Variants in FKTN observed in about 807,000 individuals in gnomAD.
The protein encoded by FKTN is fukutin.
Under a neutral mutation model 58.6 loss-of-function variants are expected in FKTN, and 47 were observed. The ratio of observed to expected loss-of-function variants is 0.80; its 90% confidence interval spans 0.63 to 1.02. The LOEUF (loss-of-function observed/expected upper bound fraction) is 1.02. Among genes scored for constraint, FKTN ranks in the 50% least tolerant of loss-of-function variants. FKTN has a pLI of 0.00. For synonymous variants in FKTN, 178 were observed against 191.9 expected (o/e 0.93, Z 0.60); for missense variants, 516 against 537.3 (o/e 0.96, Z 0.39).
chr9:105,623,236 T>A (rs1442726734), intron 10 of FKTN: 1 of 152,184 alleles, frequency 6.6e-6, no homozygotes, highest in African/African-American at 2.4e-5. Context: ...TAATAATAGT[T>A]AACTTTATTG....
intron 4 of FKTN, among the ~76,000 whole-genome samples, chr9:105,597,480 T>C (rs1036974950): frequency 5.3e-5 from 8 of 152,162 alleles, no homozygotes; most frequent in Admixed American, 1.3e-4. Flanking sequence ...TTATTAAAAA[T>C]AGCAATTGTT....
intron 3 of FKTN, among the ~76,000 whole-genome samples, chr9:105,578,483 C>T (rs1255531545): frequency 1.0e-4 from 13 of 129,910 alleles, no homozygotes; most frequent in Admixed American, 1.6e-4. Context: ...TATTGATTTG[C>T]GTATATTGAA....
chr9:105,636,955 A>T lies in FKTN; in HGVS notation c.*1691A>T. 9.7e-7 allele frequency: 1 copy of T among 1,035,914 alleles called. No individual in the cohort carries two copies. The highest frequency in any genetic ancestry group is 1.2e-6 in the Non-Finnish European group (1 of 853,920). The allele number at this position is 1,035,914 out of a possible 1,614,324, so 64.2% of individuals were successfully genotyped here. A position where few individuals can be genotyped will look rare whatever the true frequency, so the allele number is the denominator to read the frequency against. On this transcript the variant is annotated 3_prime_UTR_variant, in exon 11 of 11. Transcript: ENST00000357998. ...AATGCAGAATTATTGGGTCTTTCAT[A>T]AATAACATGAGTGGTTTCTGGAGAC... is the stretch of plus-strand genomic sequence containing the variant.
Position 105,636,910 on chromosome 9 carries a change from C to T in FKTN, c.*1646C>T, listed in dbSNP as rs1322534919. ...TTGATAAATGATAACCAACAGTCTT[C>T]TGTCCTAATTTGCATTCTCAATGCA... On this transcript the variant is annotated 3_prime_UTR_variant, in exon 11 of 11. Transcript: ENST00000357998. 1.3e-5 allele frequency: 14 copies of T among 1,082,282 alleles called. No individual in the cohort carries two copies. In the East Asian group the frequency reaches 8.3e-4, roughly 64 times the overall value. The allele number at this position is 1,082,282 out of a possible 1,614,324, so 67.0% of individuals were successfully genotyped here. A position where few individuals can be genotyped will look rare whatever the true frequency, so the allele number is the denominator to read the frequency against.
intron 3 of FKTN, among the ~76,000 whole-genome samples, chr9:105,579,031 T>G (rs1318961212): frequency 1.3e-5 from 2 of 151,870 alleles, no homozygotes; most frequent in Non-Finnish European, 2.9e-5. Context: ...TCGTTTTTTA[T>G]TGCGTCTATT....
Position 105,637,128 on chromosome 9 carries a change from AATAATAATACTAT to A in FKTN, c.*1865_*1877del, listed in dbSNP as rs1834098706. ...TTTCATGCTTAAAAATAATAGAACAAATAATAATACTATTTTTGGGCAAAATCCACCCTACTTG... is the reference window on the plus strand; with the variant it reads ...TTTCATGCTTAAAAATAATAGAACAATTTTGGGCAAAATCCACCCTACTTG... On this transcript the variant is annotated 3_prime_UTR_variant, in exon 11 of 11. Coordinates refer to ENST00000357998, the MANE Select transcript of FKTN (RefSeq NM_001079802.2). 3.0e-6 allele frequency: 3 copies of A among 987,036 alleles called. No homozygotes were observed. The highest frequency in any genetic ancestry group is 3.6e-6 in the Non-Finnish European group (3 of 830,432). The allele number at this position is 987,036 out of a possible 1,614,324, so 61.1% of individuals were successfully genotyped here.
At position 105,624,553 on chromosome 9, in the gene FKTN, C is replaced by G. The variant is rs112018591; in HGVS notation, c.1172+4492C>G. Among the ~76,000 whole-genome samples, 635 of 151,236 alleles carry G rather than the reference C, an allele frequency of 4.2e-3. 3 individuals carry two copies. The highest frequency in any genetic ancestry group is 7.2e-3 in the Non-Finnish European group (487 of 67,814). On this transcript the variant is annotated intron_variant, in intron 10 of 10. Coordinates refer to ENST00000357998, the MANE Select transcript of FKTN (RefSeq NM_001079802.2). The stretch of plus-strand genomic sequence containing the variant: ...GGCTGAGACGGTAGGATCACCTGAG[C>G]CCAGGAAATCTAGGCTGCAGTGAGC...
Position 105,601,354 on chromosome 9 carries a change from T to G in FKTN, c.369+6T>G, listed in dbSNP as rs1554751423. Reference sequence around the variant, plus strand: ...ATCACCTATGGAAGAATGAGGTAAGTGACTTGCTTTCAGATAATGGAATGT... The same window carrying G: ...ATCACCTATGGAAGAATGAGGTAAGGGACTTGCTTTCAGATAATGGAATGT... On this transcript the variant is annotated splice_donor_region_variant and intron_variant, in intron 5 of 10. Transcript: ENST00000357998. The G allele has an allele frequency of 1.9e-6, 3 of 1,573,156 alleles. No individual in the cohort carries two copies. Among genetic ancestry groups the G allele is most frequent in the Non-Finnish European group, 2.6e-6 (3 of 1,147,814 alleles).
rs1023232100 is a variant in FKTN, at chr9:105,574,892, G to T, written c.-88-53G>T. 12 of 665,280 alleles carry T rather than the reference G, an allele frequency of 1.8e-5. No individual in the cohort carries two copies. In the Admixed American group the frequency reaches 2.6e-4, roughly 15 times the overall value. 41.2% of individuals were successfully genotyped at this position (665,280 alleles called of 1,614,324 possible). ...TTTGTTCTATTGTTGGTTATTACAG[G>T]TACAAAATTAAAGAGGTTTTTGTTT... is the stretch of plus-strand genomic sequence containing the variant. On this transcript the variant is annotated intron_variant, in intron 2 of 10. Coordinates refer to ENST00000357998, the MANE Select transcript of FKTN (RefSeq NM_001079802.2).
rs578159901 is a variant in FKTN, at chr9:105,576,206, T to G, written c.105+1069T>G. ...TTATACTTTAAGTTTTAGGGTACAT[T>G]TGCACATTGTGCAGGTTAGTTACAT... On this transcript the variant is annotated intron_variant, in intron 3 of 10. Coordinates refer to ENST00000357998, the MANE Select transcript of FKTN (RefSeq NM_001079802.2). 8.6e-3 allele frequency among the ~76,000 whole-genome samples: 1,310 copies of G among 151,674 alleles called. 21 individuals carry two copies. Among genetic ancestry groups the G allele is most frequent in the African/African-American group, 0.03 (1,250 of 41,278 alleles).
intron 1 of FKTN, among the ~76,000 whole-genome samples, chr9:105,558,626 G>A (rs1837650967): frequency 6.7e-6 from 1 of 148,252 alleles, no homozygotes; most frequent in Admixed American, 6.7e-5. Flanking sequence ...CTTCAGTTTT[G>A]TCAGATGTGG....
At chr9:105,627,036 GAT>G (rs1832829498) in intron 10 of FKTN, among the ~76,000 whole-genome samples, 1 of 147,062 alleles carries the variant, frequency 6.8e-6, no homozygotes, top group Non-Finnish European at 1.5e-5. Flanking sequence ...GCAGTGGTGT[GAT>G]CTTGGCTCAC....
chr9:105,603,571 G>A (rs866858531), intron 5 of FKTN: 1 of 152,120 alleles, frequency 6.6e-6, no homozygotes, highest in Non-Finnish European at 1.5e-5. Flanking sequence ...AATTTTAAGT[G>A]CTGTCCTTAA....
At chr9:105,608,718 G>T (rs1465152657) in intron 7 of FKTN, among the ~76,000 whole-genome samples, 1 of 152,246 alleles carries the variant, frequency 6.6e-6, no homozygotes, top group African/African-American at 2.4e-5. Flanking sequence ...CAAATCTGAG[G>T]TTTCTCTAAT....
intron 10 of FKTN, among the ~76,000 whole-genome samples, chr9:105,631,932 G>A (rs1228139047): frequency 6.7e-6 from 1 of 150,188 alleles, no homozygotes; most frequent in Non-Finnish European, 1.5e-5. Context: ...ATACCCAAAG[G>A]ACTATAAATC....
chr9:105,563,968 A>G (rs1166020634), intron 1 of FKTN, among the ~76,000 whole-genome samples: 1 of 152,228 alleles, frequency 6.6e-6, no homozygotes, highest in Admixed American at 6.5e-5. Context: ...CAGAGGAACG[A>G]TCAGGCAGCA....
At chr9:105,573,118 C>G (rs1278501255) in intron 1 of FKTN, among the ~76,000 whole-genome samples, 1 of 151,920 alleles carries the variant, frequency 6.6e-6, no homozygotes, top group African/African-American at 2.4e-5. Context: ...ACCTGTAATC[C>G]CAGTTACTCG....
intron 1 of FKTN, among the ~76,000 whole-genome samples, chr9:105,564,672 T>C (rs1839023482): frequency 6.6e-6 from 1 of 152,130 alleles, no homozygotes; most frequent in Non-Finnish European, 1.5e-5. Context: ...CTGCGTCCGA[T>C]TGGTGTACCT....
chr9:105,615,352 G>A lies in FKTN; in HGVS notation c.855G>A (p.Ala285=), dbSNP rs1057521448. The A allele has an allele frequency of 1.9e-5, 31 of 1,613,856 alleles. No homozygotes were observed. Among genetic ancestry groups the A allele is most frequent in the Non-Finnish European group, 2.5e-5 (29 of 1,179,826 alleles). Residue 285 remains alanine, a synonymous_variant, in exon 8 of 11, where the codon GCG becomes GCA. Transcript: ENST00000357998. ...KSAKELLQLA[A]KTLNKLGVPF... is the part of the protein sequence containing the mutation. ...CAAAGGAATTACTGCAACTAGCAGCGAAAACATTAAACAAATTGGGAGTAC... is the reference window on the plus strand; with the variant it reads ...CAAAGGAATTACTGCAACTAGCAGCAAAAACATTAAACAAATTGGGAGTAC...
Sources: allele counts gnomAD v4.1 joint callset (sites outside exome capture counted in the v4.1 genomes callset), GRCh38; gene constraint gnomAD v4.1.1; transcripts MANE v1.5; gene names NCBI Gene and HGNC (gene_info 2026-07-23, HGNC 2026-07-21).